Variants in CECR2 observed in about 807,000 individuals in gnomAD.
CECR2 encodes CECR2 histone acetyl-lysine reader.
Under a neutral mutation model 154.5 loss-of-function variants are expected in CECR2, and 30 were observed. The ratio of observed to expected loss-of-function variants is 0.19; its 90% CI spans 0.15 to 0.26. The LOEUF (loss-of-function observed/expected upper bound fraction) is 0.26, where lower values mean the gene tolerates loss of function less well. CECR2 is among the 10% of genes least tolerant of loss of function. The pLI, the probability that CECR2 is intolerant of heterozygous loss-of-function variation, is 1.00. For missense variants in CECR2, 1,743 were observed against 1,829.3 expected (o/e 0.95, Z 0.86); for synonymous variants, 725 against 683.7 (o/e 1.06, Z -0.94).
chr22:17,543,169 G>T (rs2268777), intron 16 of CECR2, among the ~76,000 whole-genome samples, 166 bp downstream of exon 16: 30,077 of 151,926 alleles, frequency 0.2, 3,350 homozygotes, highest in East Asian at 0.44. Context: ...GTCTTGCTCT[G>T]TCGCCCAGGC....
intron 9 of CECR2, among the ~76,000 whole-genome samples, chr22:17,535,600 A>G (rs1461291890): frequency 6.6e-6 from 1 of 152,008 alleles, no homozygotes; most frequent in Non-Finnish European, 1.5e-5. Context: ...ATAAGACAAA[A>G]TGTTTAAAGT....
intron 1 of CECR2, among the ~76,000 whole-genome samples, chr22:17,393,277 C>T (rs1352716180): frequency 2.0e-5 from 3 of 152,044 alleles, no homozygotes; most frequent in Non-Finnish European, 4.4e-5. Flanking sequence ...GTAGTATGTG[C>T]CCCTTTGTGA....
chr22:17,514,610 A>C (rs1214823496), intron 8 of CECR2, among the ~76,000 whole-genome samples: 1 of 152,140 alleles, frequency 6.6e-6, no homozygotes, highest in Non-Finnish European at 1.5e-5. Flanking sequence ...GTTGTCATTC[A>C]TTTGGTTGTA....
intron 6 of CECR2, 91 bp downstream of exon 6, chr22:17,503,222 T>C: frequency 8.1e-7 from 1 of 1,240,528 alleles, no homozygotes; most frequent in Non-Finnish European, 1.1e-6. Context: ...TCATACAAAG[T>C]AAAGGTTATT....
chr22:17,419,507 G>T (rs201584534), intron 1 of CECR2: 2 of 158,352 alleles, frequency 1.3e-5, no homozygotes, highest in African/African-American at 6.1e-5. Flanking sequence ...AAGAGGAAGA[G>T]GAGGAAGAAG....
chr22:17,369,686 G>C lies in CECR2; in HGVS notation c.-98G>C, dbSNP rs1227679969. On this transcript the variant is annotated 5_prime_UTR_variant, in exon 1 of 19. Coordinates refer to ENST00000262608, the MANE Select transcript of CECR2 (RefSeq NM_001290047.2). ...AGGAGCGCCCCGCCGCCCCCGCCGAGGACCGCGCGGAGGCTGCGGCGCTGC... is the reference window on the plus strand; with the variant it reads ...AGGAGCGCCCCGCCGCCCCCGCCGACGACCGCGCGGAGGCTGCGGCGCTGC... 6.7e-6 allele frequency: 1 copy of C among 148,254 alleles called. No individual in the cohort carries two copies. The highest frequency in any genetic ancestry group is 1.5e-5 in the Non-Finnish European group (1 of 66,654). 9.2% of individuals were successfully genotyped at this position (148,254 alleles called of 1,614,324 possible). A position where few individuals can be genotyped will look rare whatever the true frequency, so the allele number is the denominator to read the frequency against.
chr22:17,440,071 A>G (rs941871471), intron 1 of CECR2, among the ~76,000 whole-genome samples: 16 of 54,864 alleles, frequency 2.9e-4, no homozygotes, highest in Admixed American at 5.4e-4. Context: ...GATTACATTG[A>G]AAAAAAAAAC....
At position 17,540,555 on chromosome 22, in the gene CECR2, C is replaced by A. The variant is rs1647986637; in HGVS notation, c.1639C>A (p.Arg547=). The change falls in exon 14 of 19, where the codon CGA becomes AGA. Residue 547 remains arginine (R), a synonymous_variant. Transcript: ENST00000262608. ...KREKRRSRAG[R]SGGSHVWTRS... is the part of the protein sequence containing the mutation. ...GGAGAAAAGACGGAGTCGGGCTGGG[C>A]GAAGTGGTGGGAGCCATGTTTGGAC... 6.2e-7 allele frequency: 1 copy of A among 1,612,258 alleles called. No homozygotes were observed. Among genetic ancestry groups the A allele is most frequent in the Non-Finnish European group, 8.5e-7 (1 of 1,178,968 alleles).
chr22:17,365,484 G>A (rs934882510), upstream of CECR2, among the ~76,000 whole-genome samples: 11 of 152,040 alleles, frequency 7.2e-5, no homozygotes, highest in African/African-American at 2.4e-4. Flanking sequence ...CACGAGGTCA[G>A]GAGATCGAGA....
intron 14 of CECR2, among the ~76,000 whole-genome samples, chr22:17,541,495 TGTA>T (rs2056521390): frequency 6.6e-6 from 1 of 152,202 alleles, no homozygotes. Flanking sequence ...CAGGTATACA[TGTA>T]GTACATGAAT....
chr22:17,542,555 T>C lies in CECR2; in HGVS notation c.2412T>C (p.Thr804=). 1 of 1,613,892 alleles carries C rather than the reference T, an allele frequency of 6.2e-7. No individual in the cohort carries two copies. Among genetic ancestry groups the C allele is most frequent in the Non-Finnish European group, 8.5e-7 (1 of 1,179,858 alleles). Residue 804 remains threonine (T), a synonymous_variant, in exon 16 of 19, where the codon ACT becomes ACC. Transcript: ENST00000262608. ...LGPGPSHQPR[T]LGHVMDSRVM... is the part of the protein sequence containing the mutation. ...CAGGACCCTCTCACCAGCCTCGCAC[T>C]CTCGGTCACGTGATGGATTCCCGAG...
intron 9 of CECR2, among the ~76,000 whole-genome samples, chr22:17,526,887 C>T (rs566205473): frequency 2.6e-4 from 38 of 148,740 alleles, no homozygotes; most frequent in African/African-American, 8.9e-4. Context: ...GTTGGAGAAA[C>T]CCTCTAGGAC....
intron 1 of CECR2, among the ~76,000 whole-genome samples, chr22:17,383,617 A>G (rs1181940168): frequency 6.6e-6 from 1 of 151,238 alleles, no homozygotes; most frequent in East Asian, 1.9e-4. Flanking sequence ...TTCCAGTTTC[A>G]TCATGAGGTT....
intron 1 of CECR2, among the ~76,000 whole-genome samples, chr22:17,474,640 G>A (rs1361146551): frequency 6.6e-6 from 1 of 152,232 alleles, no homozygotes; most frequent in Non-Finnish European, 1.5e-5. Flanking sequence ...TGATAAAGGC[G>A]GAAGCCAGAA....
At chr22:17,427,032 C>T (rs1014553999) in intron 1 of CECR2, among the ~76,000 whole-genome samples, 5 of 151,872 alleles carry the variant, frequency 3.3e-5, no homozygotes, top group Non-Finnish European at 4.4e-5. Flanking sequence ...CACGACAGGC[C>T]CTGGTGTGTG....
At chr22:17,510,438 C>T (rs1369070903) in intron 7 of CECR2, among the ~76,000 whole-genome samples, 1 of 151,468 alleles carries the variant, frequency 6.6e-6, no homozygotes, top group Non-Finnish European at 1.5e-5. Context: ...CCACTGCACT[C>T]CATCCTCGGC....
chr22:17,542,830 G>T lies in CECR2; in HGVS notation c.2687G>T (p.Cys896Phe), dbSNP rs1292384319. ...ATGCAGCAGCTCTCCTCCCGCGTCT[G>T]CCCCCCAGGTGTGCCTTACCACCCC... is the stretch of plus-strand genomic sequence containing the variant. ...IAMQQLSSRV[C>F]PPGVPYHPHQ... The change falls in exon 16 of 19, where the codon TGC (cysteine) becomes TTC (phenylalanine). Residue 896 changes from cysteine (C) to phenylalanine (F), a missense_variant. Cys to Phe is a radical substitution (Grantham distance 205, BLOSUM62 -2). This residue lies in a region of CECR2 where 1,250 missense variants were observed against 1,192.1 expected (regional missense o/e 1.05). Transcript: ENST00000262608. 2 of 1,613,728 alleles carry T rather than the reference G, an allele frequency of 1.2e-6. No homozygotes were observed. The highest frequency in any genetic ancestry group is 1.7e-6 in the Non-Finnish European group (2 of 1,179,784).
intron 1 of CECR2, among the ~76,000 whole-genome samples, chr22:17,381,884 A>T (rs1250230918): frequency 5.7e-5 from 8 of 140,792 alleles, no homozygotes; most frequent in South Asian, 2.3e-4. Context: ...GAGCCCCCAC[A>T]TTTTTTTTTT....
chr22:17,458,138 C>T (rs545822900), intron 1 of CECR2, among the ~76,000 whole-genome samples: 1 of 151,984 alleles, frequency 6.6e-6, no homozygotes, highest in Non-Finnish European at 1.5e-5. Context: ...TAGAACTGGC[C>T]GGGTGCAGTG....
Sources: allele counts gnomAD v4.1 joint callset (sites outside exome capture counted in the v4.1 genomes callset), GRCh38; gene constraint gnomAD v4.1.1; regional missense constraint gnomAD v4.1.1; transcripts MANE v1.5; gene names NCBI Gene and HGNC (gene_info 2026-07-23, HGNC 2026-07-21).